Variants in PRKG1 observed in about 807,000 individuals in gnomAD.
PRKG1 encodes cGMP-dependent protein kinase 1.
Under a neutral mutation model 88.1 loss-of-function variants are expected in PRKG1, and 35 were observed. The observed-to-expected ratio is 0.40, with a 90% confidence interval of 0.30 to 0.53. The LOEUF is 0.53. PRKG1 is among the 20% of genes least tolerant of loss of function. The pLI, the probability that PRKG1 is intolerant of heterozygous loss-of-function variation, is 0.59. For missense variants in PRKG1, 540 were observed against 839.8 expected (o/e 0.64, Z 4.41); for synonymous variants, 303 against 292.5 (o/e 1.04, Z -0.37).
At chr10:51,272,890 G>A (rs1840018534) in intron 2 of PRKG1, among the ~76,000 whole-genome samples, 1 of 152,124 alleles carries the variant, frequency 6.6e-6, no homozygotes, top group African/African-American at 2.4e-5. Context: ...GAGCCCAACT[G>A]CAATAATATA....
intron 1 of PRKG1, among the ~76,000 whole-genome samples, chr10:51,010,970 C>G (rs904079218): frequency 6.6e-5 from 10 of 152,236 alleles, no homozygotes; most frequent in South Asian, 4.2e-4. Flanking sequence ...TTTTCTCCTG[C>G]CTGAATGGCT....
intron 1 of PRKG1, among the ~76,000 whole-genome samples, chr10:51,135,701 G>A (rs1212792659): frequency 1.3e-5 from 2 of 152,018 alleles, no homozygotes; most frequent in African/African-American, 4.8e-5. Context: ...GTGATTAACC[G>A]TGCTGTAGAT....
intron 9 of PRKG1, among the ~76,000 whole-genome samples, chr10:52,212,568 T>C (rs925458833): frequency 2.0e-5 from 3 of 151,868 alleles, no homozygotes; most frequent in Non-Finnish European, 4.4e-5. Flanking sequence ...TACTGTAGCT[T>C]TTCTATCTTT....
intron 2 of PRKG1, among the ~76,000 whole-genome samples, chr10:51,425,306 G>A (rs1477210370): frequency 6.6e-6 from 1 of 152,156 alleles, no homozygotes; most frequent in Non-Finnish European, 1.5e-5. Context: ...AATTGTTCCA[G>A]TTGTGAAGAA....
rs978866826 is a variant in PRKG1, at chr10:51,424,923, A to G, written c.479-42800A>G. Among the ~76,000 whole-genome samples the G allele has an allele frequency of 3.9e-4, 59 of 152,168 alleles. 2 individuals are homozygous for G. The highest frequency in any genetic ancestry group is 4.1e-4 in the South Asian group (2 of 4,828). The stretch of plus-strand genomic sequence containing the variant: ...ATTACCATAAGGAATGCGGATATAC[A>G]TTTTTAAAATTATTTTCCTGATTGA... On this transcript the variant is annotated intron_variant, in intron 2 of 17. Transcript: ENST00000373980.
chr10:51,792,270 C>T (rs950066929), intron 3 of PRKG1, among the ~76,000 whole-genome samples: 3 of 151,942 alleles, frequency 2.0e-5, no homozygotes, highest in East Asian at 1.9e-4. Context: ...CTCTTGATCC[C>T]GTGTTTATAA....
chr10:51,850,091 T>C (rs1840507251), intron 4 of PRKG1, among the ~76,000 whole-genome samples: 1 of 152,180 alleles, frequency 6.6e-6, no homozygotes, highest in Non-Finnish European at 1.5e-5. Flanking sequence ...GAAGAAAACA[T>C]TGTTCACTTG....
At chr10:51,164,317 A>G (rs1246408961) in intron 2 of PRKG1, among the ~76,000 whole-genome samples, 3 of 152,226 alleles carry the variant, frequency 2.0e-5, no homozygotes, top group Non-Finnish European at 4.4e-5. Context: ...GCAAACTCCA[A>G]CAGACCTGCA....
rs544368078 is a variant in PRKG1, at chr10:52,163,382, A to G, written c.1076+1419A>G. Among the ~76,000 whole-genome samples, 3 of 150,370 alleles carry G rather than the reference A, an allele frequency of 2.0e-5. No homozygotes were observed. In the South Asian group the frequency reaches 6.3e-4, roughly 31 times the overall value. On this transcript the variant is annotated intron_variant, in intron 9 of 17. Transcript: ENST00000373980. ...ATTATACAATATTAAATATACATGT[A>G]TATGCATATACATATATAAAAGATA... is the stretch of plus-strand genomic sequence containing the variant.
chr10:51,678,495 G>C (rs1048518151), intron 3 of PRKG1, among the ~76,000 whole-genome samples: 2 of 152,068 alleles, frequency 1.3e-5, no homozygotes, highest in Non-Finnish European at 2.9e-5. Context: ...AGGAATCCTT[G>C]TTTTTGATAA....
chr10:51,668,410 T>C (rs977394470), intron 3 of PRKG1, among the ~76,000 whole-genome samples: 1 of 152,314 alleles, frequency 6.6e-6, no homozygotes, highest in South Asian at 2.1e-4. Context: ...TCAAACAATT[T>C]GTTTTGTTTT....
chr10:51,510,969 G>A (rs1841383878), intron 3 of PRKG1, among the ~76,000 whole-genome samples: 1 of 150,850 alleles, frequency 6.6e-6, no homozygotes, highest in South Asian at 2.1e-4. Context: ...GGCCAGGCTG[G>A]TCTTGAACTT....
At chr10:52,225,570 T>C (rs1395528982) in intron 9 of PRKG1, among the ~76,000 whole-genome samples, 1 of 152,204 alleles carries the variant, frequency 6.6e-6, no homozygotes, top group East Asian at 1.9e-4. Flanking sequence ...CCTAAGCCAA[T>C]GTCTAGAAGG....
chr10:51,582,047 A>G (rs930020495), intron 3 of PRKG1, among the ~76,000 whole-genome samples: 1 of 152,206 alleles, frequency 6.6e-6, no homozygotes, highest in African/African-American at 2.4e-5. Flanking sequence ...AAGACTAAGT[A>G]GAGACTAACT....
intron 3 of PRKG1, among the ~76,000 whole-genome samples, chr10:51,604,680 CA>C (rs1838709035): frequency 1.3e-5 from 2 of 152,206 alleles, no homozygotes; most frequent in Admixed American, 1.3e-4. Context: ...AGGCATGTGA[CA>C]GGGGTGTGGC....
At chr10:51,052,916 T>A (rs1433201967) in intron 1 of PRKG1, among the ~76,000 whole-genome samples, 1 of 152,126 alleles carries the variant, frequency 6.6e-6, no homozygotes, top group East Asian at 1.9e-4. Flanking sequence ...TAGATGATAC[T>A]CAAATATAAA....
intron 2 of PRKG1, among the ~76,000 whole-genome samples, chr10:51,288,774 A>C (rs189968937): frequency 1.1e-4 from 16 of 152,326 alleles, no homozygotes; most frequent in Non-Finnish European, 4.4e-5. Context: ...AGAAGGAATG[A>C]CAGAGGGGAG....
chr10:51,293,797 GT>G (rs1840645890), intron 2 of PRKG1, among the ~76,000 whole-genome samples: 1 of 152,104 alleles, frequency 6.6e-6, no homozygotes, highest in African/African-American at 2.4e-5. Flanking sequence ...CTTCCATGCT[GT>G]TTTTCACAAT....
chr10:51,961,071 T>C (rs1843435403), intron 5 of PRKG1, among the ~76,000 whole-genome samples: 1 of 152,194 alleles, frequency 6.6e-6, no homozygotes, highest in Non-Finnish European at 1.5e-5. Flanking sequence ...TTTTAAAAGT[T>C]AGTTTTATAA....
Sources: allele counts gnomAD v4.1 joint callset (sites outside exome capture counted in the v4.1 genomes callset), GRCh38; gene constraint gnomAD v4.1.1; transcripts MANE v1.5; gene names NCBI Gene and HGNC (gene_info 2026-07-23, HGNC 2026-07-21).